MUC13: variants seen among roughly 807,000 people sequenced by gnomAD.
MUC13 encodes mucin-13.
A neutral mutation model predicts 48.3 loss-of-function variants in MUC13; 32 were observed. That is an observed-to-expected ratio of 0.66 (90% confidence interval 0.50 to 0.89). The LOEUF (loss-of-function observed/expected upper bound fraction) is 0.89. Among genes scored for constraint, MUC13 ranks in the 40% least tolerant of loss-of-function variants. The pLI, the probability that MUC13 is intolerant of heterozygous loss-of-function variation, is 0.00. For synonymous variants in MUC13, 199 were observed against 224.9 expected, an observed-to-expected ratio of 0.88 and a Z score of 1.03; for missense variants, 571 against 622.8, an observed-to-expected ratio of 0.92 and a Z score of 0.88.
chr3:124,934,692 A>G lies in MUC13; in HGVS notation c.21T>C (p.Leu7=). The change falls in exon 1 of 12, where the codon CTT becomes CTC. Residue 7 remains leucine, a synonymous_variant. Transcript: ENST00000616727. ...TTACAGAAAGGAGAGCAAGAAGAGT[A>G]AGATGAATGATGGCTTTCATTTTAG... MKAIIH[L]TLLALLSVNT... is the part of the protein sequence containing the mutation. The G allele has an allele frequency of 6.2e-7, 1 of 1,610,854 alleles. No homozygotes were observed. Among genetic ancestry groups the G allele is most frequent in the African/African-American group, 1.3e-5 (1 of 75,038 alleles).
intron 5 of MUC13, among the ~76,000 whole-genome samples, chr3:124,918,947 C>G (rs1935548898): frequency 6.6e-6 from 1 of 152,186 alleles, no homozygotes; most frequent in African/African-American, 2.4e-5. Flanking sequence ...GCCCTTCATT[C>G]AAGACCAAGC....
rs184582468 is a variant in MUC13 at position 124,927,516 on chromosome 3, A to G, written c.514+16T>C. The G allele has an allele frequency of 4.5e-5, 72 of 1,608,884 alleles. No individual in the cohort carries two copies. The highest frequency in any genetic ancestry group is 6.7e-5 in the Admixed American group (4 of 59,780). On this transcript the variant is annotated intron_variant, in intron 2 of 11. Coordinates refer to ENST00000616727, the MANE Select transcript of MUC13 (RefSeq NM_033049.4). ...ACTCTCCATCCTTGGGGAGTCTTTG[A>G]GGGAATTGTCCTTACCTGTGCTGTT...
intron 5 of MUC13, among the ~76,000 whole-genome samples, chr3:124,919,552 G>T (rs958070264): frequency 4.0e-5 from 6 of 151,872 alleles, no homozygotes; most frequent in African/African-American, 1.2e-4. Flanking sequence ...AGATGTAAAT[G>T]GTGCATTGCT....
rs1442113516 is a variant in MUC13, at chr3:124,908,301, T to C, written c.1385A>G (p.Glu462Gly). The change falls in exon 11 of 12, where the codon GAA (glutamate) becomes GGA (glycine). Residue 462 changes from glutamate to glycine, a missense_variant. Coordinates refer to ENST00000616727, the MANE Select transcript of MUC13 (RefSeq NM_033049.4). ...KHIEEENLID[E>G]DFQNLKLRST... ...CCGCAGTTTTAGATTTTGAAAGTCT[T>C]CGTCAATCAAGTTCTCTTCTTCAAT... 2 of 1,614,108 alleles carry C rather than the reference T, an allele frequency of 1.2e-6. No homozygotes were observed. The highest frequency in any genetic ancestry group is 1.7e-6 in the Non-Finnish European group (2 of 1,180,052).
intron 6 of MUC13, among the ~76,000 whole-genome samples, chr3:124,915,322 T>G (rs923446221): frequency 6.6e-6 from 1 of 152,220 alleles, no homozygotes; most frequent in Non-Finnish European, 1.5e-5. Flanking sequence ...TAATGCGAAT[T>G]GCTTTAGCCA....
At position 124,906,599 on chromosome 3, in the gene MUC13, G is replaced by A. The variant is rs1935323471; in HGVS notation, c.*144C>T. On this transcript the variant is annotated 3_prime_UTR_variant, in exon 12 of 12. Transcript: ENST00000616727. ...CAAACATTCACAACTTCCATTCAGA[G>A]AGGCTGGCAGATGTCAGATGGAAGA... is the stretch of plus-strand genomic sequence containing the variant. 1 of 152,130 alleles carries A rather than the reference G, an allele frequency of 6.6e-6. No individual in the cohort carries two copies. Among genetic ancestry groups the A allele is most frequent in the African/African-American group, 2.4e-5 (1 of 41,414 alleles). 9.4% of individuals were successfully genotyped at this position (152,130 alleles called of 1,614,324 possible). A position where few individuals can be genotyped will look rare whatever the true frequency, so the allele number is the denominator to read the frequency against.
In MUC13 at chr3:124,922,318, G is replaced by C. The variant is rs907632634; in HGVS notation, c.638-15C>G. ...GAATACCTTTCCTGAAAGTTAAGCA[G>C]AATCTTTCTGTACTATTTGATGAAA... On this transcript the variant is annotated splice_polypyrimidine_tract_variant and intron_variant, in intron 3 of 11. Coordinates refer to ENST00000616727, the MANE Select transcript of MUC13 (RefSeq NM_033049.4). 6.2e-7 allele frequency: 1 copy of C among 1,612,328 alleles called. No individual in the cohort carries two copies. The highest frequency in any genetic ancestry group is 8.5e-7 in the Non-Finnish European group (1 of 1,179,438).
In MUC13 at chr3:124,908,302, C is replaced by T. The variant is rs75643991; in HGVS notation, c.1384G>A (p.Glu462Lys). ...KHIEEENLID[E>K]DFQNLKLRST... Reference sequence around the variant, plus strand: ...CGCAGTTTTAGATTTTGAAAGTCTTCGTCAATCAAGTTCTCTTCTTCAATA... The same window carrying T: ...CGCAGTTTTAGATTTTGAAAGTCTTTGTCAATCAAGTTCTCTTCTTCAATA... The change falls in exon 11 of 12, where the codon GAA (glutamate) becomes AAA (lysine). Residue 462 changes from glutamate to lysine, a missense_variant. Coordinates refer to ENST00000616727, the MANE Select transcript of MUC13 (RefSeq NM_033049.4). The T allele has an allele frequency of 4.4e-4, 715 of 1,614,170 alleles. 1 individual carries two copies. The highest frequency in any genetic ancestry group is 5.8e-4 in the Non-Finnish European group (683 of 1,180,034).
In MUC13 at chr3:124,927,827, T is replaced by C. The variant is rs765781414; in HGVS notation, c.219A>G (p.Ile73Met). ...TTGTGGAGGAACTATGTGTACTAAT[T>C]ATGGGGGGAGCAGGTGAAGTAGCTG... ...FPTATSPAPP[I>M]ISTHSSSTIP... Residue 73 changes from isoleucine to methionine, a missense_variant, in exon 2 of 12, where the codon ATA becomes ATG. Ile to Met is a conservative substitution (Grantham distance 10). Coordinates refer to ENST00000616727, the MANE Select transcript of MUC13 (RefSeq NM_033049.4). The C allele has an allele frequency of 1.2e-6, 2 of 1,613,996 alleles. No individual in the cohort carries two copies. Among genetic ancestry groups the C allele is most frequent in the South Asian group, 2.2e-5 (2 of 91,060 alleles).
Position 124,927,856 on chromosome 3 carries a change from G to A in MUC13, c.190C>T (p.Pro64Ser), listed in dbSNP as rs757514971. 6.2e-7 allele frequency: 1 copy of A among 1,613,822 alleles called. No homozygotes were observed. Among genetic ancestry groups the A allele is most frequent in the Admixed American group, 1.7e-5 (1 of 59,986 alleles). ...ASTTANTPSFPTATSPAPPII... is the reference protein window; with the variant it reads ...ASTTANTPSFSTATSPAPPII... Reference sequence around the variant, plus strand: ...GGGGGAGCAGGTGAAGTAGCTGTTGGGAAAGAAGGTGTATTTGCTGTGGTG... The same window carrying A: ...GGGGGAGCAGGTGAAGTAGCTGTTGAGAAAGAAGGTGTATTTGCTGTGGTG... Residue 64 changes from proline (P) to serine (S), a missense_variant, in exon 2 of 12, where the codon CCA (proline) becomes TCA (serine). Pro to Ser is a moderately conservative substitution (Grantham distance 74, BLOSUM62 -1). Transcript: ENST00000616727.
chr3:124,910,528 C>A, intron 9 of MUC13, 29 bp from the exon 10 acceptor site: 1 of 1,612,990 alleles, frequency 6.2e-7, no homozygotes, highest in Non-Finnish European at 8.5e-7. Context: ...TAAGAACAGT[C>A]TCCAACAAGC....
intron 9 of MUC13, 94 bp from the exon 10 acceptor site, chr3:124,910,593 T>G (rs778695322): frequency 1.9e-5 from 29 of 1,539,324 alleles, no homozygotes; most frequent in Non-Finnish European, 2.5e-5. Flanking sequence ...CTCCTAGCTG[T>G]GAAGACGATC....
chr3:124,920,181 CG>C (rs1199511129), intron 5 of MUC13, 52 bp downstream of exon 5: 1 of 1,486,398 alleles, frequency 6.7e-7, no homozygotes, highest in African/African-American at 1.4e-5. Context: ...AAGAGAAGCT[CG>C]GAAGTTAGAC....
At chr3:124,918,013 G>T (rs964835393) in intron 5 of MUC13, among the ~76,000 whole-genome samples, 1 of 152,138 alleles carries the variant, frequency 6.6e-6, no homozygotes, top group Non-Finnish European at 1.5e-5. Context: ...TATAAATGAC[G>T]AGGGCACTAG....
chr3:124,917,709 T>C (rs2107669876), intron 5 of MUC13, among the ~76,000 whole-genome samples: 1 of 148,416 alleles, frequency 6.7e-6, no homozygotes, highest in East Asian at 2.0e-4. Context: ...TAATTTAATA[T>C]TTTCTACCAT....
chr3:124,927,498 A>C, intron 2 of MUC13, 34 bp downstream of exon 2: 1 of 1,596,080 alleles, frequency 6.3e-7, no homozygotes. Flanking sequence ...TGTACTCTCC[A>C]TCCTTGGGGA....
rs560497309 is a variant in MUC13, at chr3:124,913,217, C to T, written c.1108G>A (p.Ala370Thr). ...CVASSLKCPD[A>T]CNAQHKQCLI... ...CATTGCTTGTGCTGTGCGTTGCAGGCATCAGGACACTTGAGACTGGAAGCT... is the reference window on the plus strand; with the variant it reads ...CATTGCTTGTGCTGTGCGTTGCAGGTATCAGGACACTTGAGACTGGAAGCT... The change falls in exon 8 of 12, where the codon GCC becomes ACC. Residue 370 changes from alanine to threonine, a missense_variant. By Grantham distance (58) the Ala-to-Thr change is moderately conservative. Transcript: ENST00000616727. 10 of 1,613,448 alleles carry T rather than the reference C, an allele frequency of 6.2e-6. No homozygotes were observed. The highest frequency in any genetic ancestry group is 5.3e-5 in the African/African-American group (4 of 75,026).
chr3:124,915,080 G>A (rs2076721), intron 6 of MUC13, among the ~76,000 whole-genome samples: 28,835 of 152,166 alleles, frequency 0.19, 2,800 homozygotes, highest in South Asian at 0.22. Flanking sequence ...GGATACTAGT[G>A]TCAAATGCTA....
intron 9 of MUC13, 90 bp downstream of exon 9, chr3:124,912,014 T>C: frequency 1.3e-6 from 2 of 1,521,396 alleles, no homozygotes; most frequent in South Asian, 1.2e-5. Flanking sequence ...ACAGAGACTT[T>C]GAAGGACTGG....
Sources: gnomAD v4.1 joint callset for allele counts (sites outside exome capture counted in the v4.1 genomes callset) on GRCh38, gnomAD v4.1.1 for gene constraint, MANE v1.5 for transcripts, NCBI Gene and HGNC (gene_info 2026-07-23, HGNC 2026-07-21) for gene names.